DSCAM: variants seen among roughly 807,000 people sequenced by gnomAD.
DSCAM encodes cell adhesion molecule DSCAM.
In DSCAM, 47 loss-of-function variants were observed where a neutral mutation model predicts 217.7. The ratio of observed to expected loss-of-function variants is 0.22; its 90% confidence interval spans 0.17 to 0.28. The LOEUF (loss-of-function observed/expected upper bound fraction) is 0.28. DSCAM is among the 10% of genes least tolerant of loss of function. The probability of loss-of-function intolerance (pLI) is 1.00; values close to 1 mark genes in which losing one functional copy is unlikely to be tolerated. For missense variants in DSCAM, 2,080 were observed against 2,618.3 expected (o/e 0.79, Z 4.49); for synonymous variants, 1,056 against 1,015.3 (o/e 1.04, Z -0.76).
chr21:40,835,120 T>G (rs1409014211), intron 1 of DSCAM, among the ~76,000 whole-genome samples: 1 of 152,232 alleles, frequency 6.6e-6, no homozygotes, highest in East Asian at 1.9e-4. Context: ...ATAATAATAC[T>G]GAGTCACATT....
chr21:40,590,489 A>G (rs1394243313), intron 3 of DSCAM, among the ~76,000 whole-genome samples: 1 of 152,226 alleles, frequency 6.6e-6, no homozygotes, highest in African/African-American at 2.4e-5. Context: ...TTCCTCATGT[A>G]AAATGTGGGG....
intron 1 of DSCAM, among the ~76,000 whole-genome samples, chr21:40,767,019 T>G (rs1235199566): frequency 2.0e-5 from 3 of 152,170 alleles, no homozygotes; most frequent in Non-Finnish European, 4.4e-5. Flanking sequence ...GTTCTTTGTT[T>G]TAAAAGAAGG....
chr21:40,672,009 C>A (rs2090282209), intron 3 of DSCAM, among the ~76,000 whole-genome samples: 1 of 152,124 alleles, frequency 6.6e-6, no homozygotes, highest in South Asian at 2.1e-4. Flanking sequence ...CTGGTGAAGG[C>A]TCTCTTCCAA....
intron 3 of DSCAM, among the ~76,000 whole-genome samples, chr21:40,427,756 C>G (rs1251474888): frequency 2.6e-5 from 4 of 152,214 alleles, no homozygotes; most frequent in African/African-American, 9.6e-5. Context: ...CAGACACAAG[C>G]TAGGGAGGCT....
rs147866604 is a variant in DSCAM, at chr21:40,076,713, CAT to C, written c.4712-1502_4712-1501del. On this transcript the variant is annotated intron_variant, in intron 26 of 32. Coordinates refer to ENST00000400454, the MANE Select transcript of DSCAM (RefSeq NM_001389.5). ...TAGAATCACAGTTTCAAATTCTACA[CAT>C]GAGTAGTTTCTAATTAAATCATTAG... is the stretch of plus-strand genomic sequence containing the variant. Among the ~76,000 whole-genome samples the C allele has an allele frequency of 2.8e-3, 432 of 152,342 alleles. 2 individuals carry two copies. Among genetic ancestry groups the C allele is most frequent in the African/African-American group, 6.5e-3 (270 of 41,590 alleles).
chr21:40,232,760 A>G (rs1366708416), intron 11 of DSCAM, among the ~76,000 whole-genome samples: 1 of 152,162 alleles, frequency 6.6e-6, no homozygotes, highest in Non-Finnish European at 1.5e-5. Flanking sequence ...TTAAATATAT[A>G]ATTAAGTAAT....
intron 1 of DSCAM, among the ~76,000 whole-genome samples, chr21:40,808,359 A>G (rs774656712): frequency 1.4e-4 from 21 of 152,208 alleles, no homozygotes; most frequent in Non-Finnish European, 5.9e-5. Context: ...CAAGTAGAAC[A>G]GAGAAGTGAT....
At chr21:40,082,983 A>G (rs1406663219) in intron 24 of DSCAM, among the ~76,000 whole-genome samples, 4 of 152,176 alleles carry the variant, frequency 2.6e-5, no homozygotes, top group Non-Finnish European at 5.9e-5. Flanking sequence ...TCTCAGAAGA[A>G]AGGATGTTCT....
intron 9 of DSCAM, among the ~76,000 whole-genome samples, chr21:40,309,855 T>C (rs986004472): frequency 1.5e-4 from 23 of 152,228 alleles, no homozygotes; most frequent in Admixed American, 1.3e-4. Context: ...CTCTTCTTGC[T>C]TTCTAGCCCA....
chr21:40,269,654 AG>A (rs1336905158), intron 11 of DSCAM, among the ~76,000 whole-genome samples: 1 of 152,188 alleles, frequency 6.6e-6, no homozygotes, highest in African/African-American at 2.4e-5. Flanking sequence ...GTCCCTCTGA[AG>A]TTTCTACAGG....
chr21:40,779,628 A>G (rs1300103843), intron 1 of DSCAM, among the ~76,000 whole-genome samples: 3 of 152,238 alleles, frequency 2.0e-5, no homozygotes, highest in Non-Finnish European at 4.4e-5. Flanking sequence ...AAATAATTTT[A>G]TATGATAAAA....
Position 40,296,049 on chromosome 21 carries a change from C to T in DSCAM, c.2182+6G>A, listed in dbSNP as rs756111094. 13 of 1,612,760 alleles carry T rather than the reference C, an allele frequency of 8.1e-6. No homozygotes were observed. The highest frequency in any genetic ancestry group is 1.1e-5 in the Non-Finnish European group (13 of 1,179,524). Reference sequence around the variant, plus strand: ...CAGGTAACAAGTAGATCAAGTAACTCCATACCTTTAGAGAATTTCCACACG... The same window carrying T: ...CAGGTAACAAGTAGATCAAGTAACTTCATACCTTTAGAGAATTTCCACACG... On this transcript the variant is annotated splice_donor_region_variant and intron_variant, in intron 10 of 32. Coordinates refer to ENST00000400454, the MANE Select transcript of DSCAM (RefSeq NM_001389.5).
intron 15 of DSCAM, among the ~76,000 whole-genome samples, chr21:40,169,544 A>T (rs898755961): frequency 1.4e-4 from 22 of 152,122 alleles, no homozygotes; most frequent in African/African-American, 5.1e-4. Flanking sequence ...ACCAAGCAGG[A>T]AGCTGATTCC....
At chr21:40,417,842 G>T (rs76166343) in intron 3 of DSCAM, among the ~76,000 whole-genome samples, 1 of 151,936 alleles carries the variant, frequency 6.6e-6, no homozygotes, top group Non-Finnish European at 1.5e-5. Context: ...CAAAAAAAAA[G>T]TTGTTTATAC....
At position 40,507,409 on chromosome 21, in the gene DSCAM, C is replaced by T. The variant is rs568013613; in HGVS notation, c.509-138164G>A. 8.5e-5 allele frequency among the ~76,000 whole-genome samples: 13 copies of T among 152,262 alleles called. No individual in the cohort carries two copies. The East Asian group carries it at 1.2e-3, about 14-fold the overall frequency. On this transcript the variant is annotated intron_variant, in intron 3 of 32. Coordinates refer to ENST00000400454, the MANE Select transcript of DSCAM (RefSeq NM_001389.5). ...CTATTTGTCTTACGGGTAAAAAATA[C>T]GGCATTTACAACTTTACATACACAC...
chr21:40,186,801 G>A (rs2090899419), intron 14 of DSCAM, among the ~76,000 whole-genome samples: 1 of 152,188 alleles, frequency 6.6e-6, no homozygotes, highest in African/African-American at 2.4e-5. Flanking sequence ...AAGGGAGCAG[G>A]TGAAATAGAA....
chr21:40,244,498 C>A (rs1195108455), intron 11 of DSCAM, among the ~76,000 whole-genome samples: 5 of 150,646 alleles, frequency 3.3e-5, no homozygotes, highest in Non-Finnish European at 5.9e-5. Context: ...CAGTAGACTA[C>A]TCTCCATTTA....
At chr21:40,756,222 C>T (rs116563340) in intron 1 of DSCAM, among the ~76,000 whole-genome samples, 2,993 of 152,240 alleles carry the variant, frequency 0.02, 98 homozygotes, top group African/African-American at 0.069. Context: ...CCTCCCCCCT[C>T]TCTTCCTCCC....
chr21:40,075,267 G>A, intron 26 of DSCAM, 54 bp from the exon 27 acceptor site: 1 of 1,587,510 alleles, frequency 6.3e-7, no homozygotes, highest in Non-Finnish European at 8.6e-7. Flanking sequence ...GCATGGCGGA[G>A]CTTTTAGGGA....
Sources: gnomAD v4.1 joint callset for allele counts (sites outside exome capture counted in the v4.1 genomes callset) on GRCh38, gnomAD v4.1.1 for gene constraint, MANE v1.5 for transcripts, NCBI Gene and HGNC (gene_info 2026-07-23, HGNC 2026-07-21) for gene names.